The following C3orf20 variants were observed in gnomAD, a reference collection of about 807,000 sequenced individuals.
C3orf20 encodes family with sequence similarity 149 member C.
C3orf20 carries 76 observed loss-of-function variants against 88.3 expected under a neutral mutation model. That is an observed-to-expected ratio of 0.86 (90% confidence interval 0.72 to 1.04). The LOEUF is 1.04. Ranked by LOEUF, C3orf20 falls within the 50% of genes least tolerant of loss-of-function variation. C3orf20 has a pLI of 0.00. For missense variants in C3orf20, 1,056 were observed against 1,123.3 expected (o/e 0.94, Z 0.86); for synonymous variants, 436 against 437.4 (o/e 1.00, Z 0.04).
chr3:14,746,318 G>T (rs923399274), intron 12 of C3orf20, among the ~76,000 whole-genome samples: 2 of 152,182 alleles, frequency 1.3e-5, no homozygotes, highest in Non-Finnish European at 2.9e-5. Flanking sequence ...AGTGATAGCA[G>T]TAGGTAAAAC....
intron 1 of C3orf20, among the ~76,000 whole-genome samples, chr3:14,678,966 T>C (rs1325392795): frequency 6.6e-6 from 1 of 152,232 alleles, no homozygotes; most frequent in Non-Finnish European, 1.5e-5. Context: ...CAGTTTCATC[T>C]GCTGCTCTCC....
chr3:14,676,790 T>C (rs763874897), intron 1 of C3orf20, among the ~76,000 whole-genome samples: 2 of 152,224 alleles, frequency 1.3e-5, no homozygotes, highest in African/African-American at 2.4e-5. Context: ...CACTCTAGGA[T>C]GGCTACCATG....
At chr3:14,678,198 T>C (rs2031887783) in intron 1 of C3orf20, among the ~76,000 whole-genome samples, 1 of 152,224 alleles carries the variant, frequency 6.6e-6, no homozygotes, top group African/African-American at 2.4e-5. Flanking sequence ...TAACAATTAC[T>C]GAGCATTCAA....
chr3:14,768,107 C>T lies in C3orf20; in HGVS notation c.2496-3960C>T, dbSNP rs940836797. ...TTACAGCTGCGCCACTTGGTAGCAC[C>T]CCTGCCCCTTGCCCACCTCAGAAGA... On this transcript the variant is annotated intron_variant, in intron 15 of 16. Transcript: ENST00000253697. The surrounding 1 kb of genome is among the most constrained non-coding windows in gnomAD (Gnocchi z 4.1). 6.6e-6 allele frequency among the ~76,000 whole-genome samples: 1 copy of T among 152,172 alleles called. No homozygotes were observed. Among genetic ancestry groups the T allele is most frequent in the African/African-American group, 2.4e-5 (1 of 41,434 alleles).
At chr3:14,731,071 A>G (rs948063468) in intron 12 of C3orf20, among the ~76,000 whole-genome samples, 4 of 152,144 alleles carry the variant, frequency 2.6e-5, no homozygotes, top group Non-Finnish European at 5.9e-5. Context: ...ACCACAGCCA[A>G]GATGCAGGAC....
chr3:14,716,854 A>G (rs1471401031), intron 9 of C3orf20, among the ~76,000 whole-genome samples: 1 of 152,226 alleles, frequency 6.6e-6, no homozygotes, highest in East Asian at 1.9e-4. Flanking sequence ...ACCCTGACTC[A>G]GTTGGTATGT....
chr3:14,760,126 C>A (rs903387192), intron 14 of C3orf20, 128 bp downstream of exon 14: 2 of 731,978 alleles, frequency 2.7e-6, no homozygotes, highest in Admixed American at 4.2e-5. Flanking sequence ...GAATTATCTC[C>A]CCACCGTGGC....
At chr3:14,713,024 C>T (rs941269685) in intron 7 of C3orf20, among the ~76,000 whole-genome samples, 6 of 152,132 alleles carry the variant, frequency 3.9e-5, no homozygotes, top group Non-Finnish European at 7.3e-5. Flanking sequence ...AGCCATTAAT[C>T]TTATTGAAGT....
At chr3:14,748,102 C>A (rs1287318351) in intron 12 of C3orf20, among the ~76,000 whole-genome samples, 1 of 151,620 alleles carries the variant, frequency 6.6e-6, no homozygotes, top group Non-Finnish European at 1.5e-5. Context: ...ATATCTAGTT[C>A]CAGGCTTTTC....
intron 4 of C3orf20, 134 bp downstream of exon 4, chr3:14,684,516 T>G: frequency 8.2e-7 from 1 of 1,216,044 alleles, no homozygotes; most frequent in Non-Finnish European, 1.1e-6. Context: ...AACAGGGATT[T>G]TCAAATGCTA....
chr3:14,705,992 A>T (rs376806203), intron 7 of C3orf20, among the ~76,000 whole-genome samples: 27 of 152,172 alleles, frequency 1.8e-4, no homozygotes, highest in Admixed American at 1.6e-3. Flanking sequence ...GTAGAGGGAG[A>T]TGGAAGTGGA....
chr3:14,754,393 C>T (rs934719495), intron 12 of C3orf20, among the ~76,000 whole-genome samples: 1 of 152,240 alleles, frequency 6.6e-6, no homozygotes, highest in Non-Finnish European at 1.5e-5. Flanking sequence ...CATATTGTCC[C>T]CTCTGCTACT....
Position 14,697,348 on chromosome 3 carries a change from GC to G in C3orf20, c.746-5780del, listed in dbSNP as rs1424488118. Among the ~76,000 whole-genome samples, 8 of 151,862 alleles carry G rather than the reference GC, an allele frequency of 5.3e-5. No homozygotes were observed. The East Asian group carries it at 1.5e-3, about 29-fold the overall frequency. On this transcript the variant is annotated intron_variant, in intron 5 of 16. Coordinates refer to ENST00000253697, the MANE Select transcript of C3orf20 (RefSeq NM_032137.5). ...TTGAGGTTATTTTCTAGATCTTGTA[GC>G]CATGTTTCATTCTTTATTCTTTTTT...
intron 13 of C3orf20, 98 bp from the exon 14 acceptor site, chr3:14,759,793 C>T (rs2035500618): frequency 1.0e-6 from 1 of 986,336 alleles, no homozygotes; most frequent in African/African-American, 1.6e-5. Context: ...TACAGGGCTC[C>T]AGGACTCAGG....
chr3:14,714,567 G>A (rs936885686), intron 8 of C3orf20, among the ~76,000 whole-genome samples: 1 of 152,122 alleles, frequency 6.6e-6, no homozygotes, highest in African/African-American at 2.4e-5. Flanking sequence ...CCATCCAAAG[G>A]TTGATATTGT....
At chr3:14,745,419 C>T (rs1199911356) in intron 12 of C3orf20, among the ~76,000 whole-genome samples, 1 of 152,188 alleles carries the variant, frequency 6.6e-6, no homozygotes, top group African/African-American at 2.4e-5. Flanking sequence ...GCTTTGCTGG[C>T]TTAAAAAGCA....
At chr3:14,724,202 G>A (rs1039297335) in intron 10 of C3orf20, among the ~76,000 whole-genome samples, 4 of 152,130 alleles carry the variant, frequency 2.6e-5, no homozygotes, top group Admixed American at 6.5e-5. Flanking sequence ...TTTAGGTTGC[G>A]TTTTTAAAAT....
chr3:14,765,928 G>T (rs1230555131), intron 15 of C3orf20, among the ~76,000 whole-genome samples: 2 of 152,364 alleles, frequency 1.3e-5, no homozygotes, highest in Non-Finnish European at 2.9e-5. Context: ...CTCCAGCAGG[G>T]GCTGGGGCAA....
At chr3:14,751,085 A>C (rs1399585753) in intron 12 of C3orf20, among the ~76,000 whole-genome samples, 1 of 152,028 alleles carries the variant, frequency 6.6e-6, no homozygotes, top group East Asian at 1.9e-4. Flanking sequence ...CTATCACTGA[A>C]TTTTTATTTT....
Sources: gnomAD v4.1 joint callset for allele counts (sites outside exome capture counted in the v4.1 genomes callset) on GRCh38, gnomAD v4.1.1 for gene constraint, Gnocchi (gnomAD v3.1) non-coding constraint, MANE v1.5 for transcripts, NCBI Gene and HGNC (gene_info 2026-07-23, HGNC 2026-07-21) for gene names.